Variants in LRFN2 observed in about 807,000 individuals in gnomAD.
LRFN2 encodes leucine rich repeat and fibronectin type III domain containing 2.
LRFN2 carries 18 observed loss-of-function variants against 37.3 expected under a neutral mutation model. The observed-to-expected ratio is 0.48, with a 90% CI of 0.33 to 0.72. The LOEUF (loss-of-function observed/expected upper bound fraction) is 0.72, where lower values mean the gene tolerates loss of function less well. Among genes scored for constraint, LRFN2 ranks in the 30% least tolerant of loss-of-function variants. The probability of loss-of-function intolerance (pLI) is 0.02; values close to 1 mark genes in which losing one functional copy is unlikely to be tolerated. For synonymous variants in LRFN2, 556 were observed against 466.6 expected (o/e 1.19, Z -2.47); for missense variants, 1,006 against 1,060.7 (o/e 0.95, Z 0.72).
chr6:40,473,096 C>T (rs944006005), intron 1 of LRFN2, among the ~76,000 whole-genome samples: 1 of 152,180 alleles, frequency 6.6e-6, no homozygotes, highest in Admixed American at 6.5e-5. Context: ...CTCCAGATCC[C>T]TCCTCTTACC....
At chr6:40,540,935 C>T (rs1182417270) in intron 1 of LRFN2, among the ~76,000 whole-genome samples, 1 of 152,180 alleles carries the variant, frequency 6.6e-6, no homozygotes, top group African/African-American at 2.4e-5. Flanking sequence ...CAGGAGGCTG[C>T]TGGGGGTCAG....
chr6:40,542,862 C>G (rs1179418392), intron 1 of LRFN2, among the ~76,000 whole-genome samples: 1 of 152,232 alleles, frequency 6.6e-6, no homozygotes, highest in African/African-American at 2.4e-5. Context: ...GCAGATGCAG[C>G]AGGAACTGCT....
intron 2 of LRFN2, among the ~76,000 whole-genome samples, chr6:40,412,009 G>T (rs531000601): frequency 6.6e-6 from 1 of 152,138 alleles, no homozygotes; most frequent in Non-Finnish European, 1.5e-5. Flanking sequence ...CATGTAACGT[G>T]GGGAGGAGAC....
intron 1 of LRFN2, among the ~76,000 whole-genome samples, chr6:40,492,634 G>C (rs1469667918): frequency 6.6e-6 from 1 of 152,162 alleles, no homozygotes; most frequent in East Asian, 1.9e-4. Flanking sequence ...CTACTCACCT[G>C]CCCTCAGGAC....
chr6:40,445,371 C>T (rs1386200745), intron 1 of LRFN2, among the ~76,000 whole-genome samples: 1 of 152,164 alleles, frequency 6.6e-6, no homozygotes, highest in Non-Finnish European at 1.5e-5. Flanking sequence ...ATGTCCTACC[C>T]CCTCCCAGAT....
chr6:40,429,980 T>A (rs573221184), intron 2 of LRFN2, among the ~76,000 whole-genome samples: 6 of 152,344 alleles, frequency 3.9e-5, no homozygotes, highest in African/African-American at 1.2e-4. Context: ...TAACTTTGGA[T>A]GGTGGGATTA....
At chr6:40,470,621 A>C (rs1406735273) in intron 1 of LRFN2, among the ~76,000 whole-genome samples, 1 of 151,100 alleles carries the variant, frequency 6.6e-6, no homozygotes, top group Non-Finnish European at 1.5e-5. Flanking sequence ...AAAAAAAAAA[A>C]ATAGGCTGTG....
At chr6:40,500,764 T>A (rs546970462) in intron 1 of LRFN2, among the ~76,000 whole-genome samples, 9 of 152,226 alleles carry the variant, frequency 5.9e-5, no homozygotes, top group Non-Finnish European at 1.2e-4. Flanking sequence ...ATTCACTACA[T>A]GCCTCTAAGG....
intron 1 of LRFN2, among the ~76,000 whole-genome samples, chr6:40,441,581 T>G (rs76648886): frequency 6.6e-6 from 1 of 152,184 alleles, no homozygotes; most frequent in Non-Finnish European, 1.5e-5. Context: ...TGCTGTGTTG[T>G]CAGCTTCGAA....
At chr6:40,487,908 A>G (rs1765002672) in intron 1 of LRFN2, among the ~76,000 whole-genome samples, 2 of 152,126 alleles carry the variant, frequency 1.3e-5, no homozygotes, top group African/African-American at 2.4e-5. Flanking sequence ...CCCTTTCCCA[A>G]TCTCAGCCTT....
At chr6:40,478,076 G>A (rs79137408) in intron 1 of LRFN2, among the ~76,000 whole-genome samples, 3,090 of 152,186 alleles carry the variant, frequency 0.02, 41 homozygotes, top group Non-Finnish European at 0.028. Flanking sequence ...GGGATAAGCC[G>A]GCACCAGGGG....
chr6:40,559,046 G>A (rs1024039777), intron 1 of LRFN2, among the ~76,000 whole-genome samples: 1 of 152,022 alleles, frequency 6.6e-6, no homozygotes, highest in African/African-American at 2.4e-5. Context: ...AAGGGCCATG[G>A]ATCAAACGGA....
intron 1 of LRFN2, among the ~76,000 whole-genome samples, chr6:40,488,936 A>G (rs538528255): frequency 9.2e-5 from 14 of 152,340 alleles, no homozygotes; most frequent in Admixed American, 6.5e-4. Flanking sequence ...GTCAAAAAAA[A>G]AGTACTTGTT....
chr6:40,548,206 G>A (rs889235596), intron 1 of LRFN2, among the ~76,000 whole-genome samples: 1 of 152,114 alleles, frequency 6.6e-6, no homozygotes, highest in African/African-American at 2.4e-5. Flanking sequence ...TTGGGAGGCC[G>A]AGGTGGGTGG....
chr6:40,507,070 G>C (rs965345299), intron 1 of LRFN2, among the ~76,000 whole-genome samples: 1 of 152,206 alleles, frequency 6.6e-6, no homozygotes, highest in African/African-American at 2.4e-5. Context: ...AAATGGTATT[G>C]ATTGTTTCCG....
chr6:40,570,340 TA>T lies in LRFN2; in HGVS notation c.-19+16600del, dbSNP rs538477788. ...GACACTGTTCTAAGTGCTTTACATA[TA>T]TTAACTCATTTAGCCCAAACCACAC... is the stretch of plus-strand genomic sequence containing the variant. On this transcript the variant is annotated intron_variant, in intron 1 of 2. Transcript: ENST00000338305. 4.1e-3 allele frequency among the ~76,000 whole-genome samples: 629 copies of T among 152,318 alleles called. 2 individuals carry two copies. The highest frequency in any genetic ancestry group is 0.012 in the South Asian group (56 of 4,826).
chr6:40,497,937 C>A (rs1765273764), intron 1 of LRFN2, among the ~76,000 whole-genome samples: 1 of 152,178 alleles, frequency 6.6e-6, no homozygotes, highest in Non-Finnish European at 1.5e-5. Context: ...CATCTTTACT[C>A]TTGGGGAACA....
intron 1 of LRFN2, among the ~76,000 whole-genome samples, chr6:40,522,165 G>T (rs1345979942): frequency 6.6e-6 from 1 of 152,150 alleles, no homozygotes; most frequent in Non-Finnish European, 1.5e-5. Flanking sequence ...GGGCAAGCTT[G>T]CACCAGTGCA....
chr6:40,439,263 A>G (rs562151326), intron 1 of LRFN2, among the ~76,000 whole-genome samples: 183 of 152,330 alleles, frequency 1.2e-3, no homozygotes, highest in Middle Eastern at 3.4e-3. Context: ...TCTCCGCTTC[A>G]GGTAAAAAGA....
Sources: gnomAD v4.1 joint callset for allele counts (sites outside exome capture counted in the v4.1 genomes callset) on GRCh38, gnomAD v4.1.1 for gene constraint, MANE v1.5 for transcripts, NCBI Gene and HGNC (gene_info 2026-07-23, HGNC 2026-07-21) for gene names.